Variants in TSC2 observed in about 807,000 individuals in gnomAD.
TSC2 encodes tuberin.
In TSC2, 29 loss-of-function variants were observed where a neutral mutation model predicts 202.2. The ratio of observed to expected loss-of-function variants is 0.14; its 90% CI spans 0.11 to 0.20. The LOEUF is 0.20. TSC2 is among the 10% of genes least tolerant of loss of function. TSC2 has a pLI of 1.00. For missense variants in TSC2, 2,429 were observed against 2,420.0 expected (o/e 1.00, Z -0.08); for synonymous variants, 1,349 against 1,044.0 (o/e 1.29, Z -5.63).
At chr16:2,080,032 C>T in intron 29 of TSC2, 133 bp from the exon 30 acceptor site, 1 of 1,274,662 alleles carries the variant, frequency 7.8e-7, no homozygotes. Flanking sequence ...GGCCGTGCCC[C>T]AAGGGCAGAG....
intron 31 of TSC2, 123 bp from the exon 32 acceptor site, chr16:2,082,313 G>T: frequency 8.9e-7 from 1 of 1,126,406 alleles, no homozygotes. Flanking sequence ...GGCCCCGTGC[G>T]CGCCCCTGCC....
At position 2,074,208 on chromosome 16, in the gene TSC2, G is replaced by A. The variant is rs773786955; in HGVS notation, c.2364G>A (p.Met788Ile). 17 of 1,611,442 alleles carry A rather than the reference G, an allele frequency of 1.1e-5. No individual in the cohort carries two copies. The highest frequency in any genetic ancestry group is 1.4e-5 in the Non-Finnish European group (17 of 1,179,946). The change falls in exon 22 of 42, where the codon ATG (methionine) becomes ATA (isoleucine). Residue 788 changes from methionine (M) to isoleucine (I), a missense_variant. Met to Ile is a conservative substitution (Grantham distance 10, BLOSUM62 1). Coordinates refer to ENST00000219476, the MANE Select transcript of TSC2 (RefSeq NM_000548.5). ...TGTCCTGTCTCCTGCAGCGCGAGAT[G>A]GTCTACTGCCTGGAGCAGGGCCTCA... Reference protein sequence around the residue: ...NYLDKTKQREMVYCLEQGLIH... With the variant: ...NYLDKTKQREIVYCLEQGLIH...
chr16:2,069,517 T>G (rs1351410235), intron 16 of TSC2, among the ~76,000 whole-genome samples: 3 of 150,200 alleles, frequency 2.0e-5, no homozygotes, highest in African/African-American at 7.4e-5. Context: ...TCTTGCTCTG[T>G]CGCCCAGGCT....
intron 9 of TSC2, 118 bp from the exon 10 acceptor site, chr16:2,058,629 C>T: frequency 6.9e-7 from 1 of 1,459,350 alleles, no homozygotes; most frequent in Non-Finnish European, 9.3e-7. Context: ...TGCTCCTGCC[C>T]CCCCCAAGCA....
At position 2,088,865 on chromosome 16, in the gene TSC2, TCGCGCGTG is replaced by T. The variant is rs1479765725; in HGVS notation, c.*262_*269del. ...AGGCTGCCTGGGCCATACAGCACAC[TCGCGCGTG>T]CGCGCGCGCACACACACACACACAC... On this transcript the variant is annotated 3_prime_UTR_variant, in exon 42 of 42. Transcript: ENST00000219476. The T allele has an allele frequency of 1.1e-5, 6 of 526,584 alleles. No homozygotes were observed. Among genetic ancestry groups the T allele is most frequent in the Admixed American group, 6.8e-5 (2 of 29,590 alleles). 32.6% of individuals were successfully genotyped at this position (526,584 alleles called of 1,614,324 possible). A position where few individuals can be genotyped will look rare whatever the true frequency, so the allele number is the denominator to read the frequency against.
chr16:2,048,443 G>A, intron 1 of TSC2, 144 bp from the exon 2 acceptor site: 1 of 1,080,926 alleles, frequency 9.3e-7, no homozygotes, highest in Non-Finnish European at 1.4e-6. Context: ...TGGTCAGCTG[G>A]GCTGTAGTTG....
intron 23 of TSC2, 67 bp downstream of exon 23, chr16:2,075,959 C>T (rs563260402): frequency 6.8e-6 from 11 of 1,612,086 alleles, no homozygotes; most frequent in Non-Finnish European, 9.3e-6. Context: ...GGCAGAAAGC[C>T]CCGGCAGCCT....
chr16:2,055,815 C>G, intron 6 of TSC2: 1 of 449,686 alleles, frequency 2.2e-6, no homozygotes, highest in Non-Finnish European at 4.1e-6. Flanking sequence ...TGCTTGAAAC[C>G]GGAAGGCAGA....
At chr16:2,075,353 C>T (rs1459449957) in intron 22 of TSC2, 2 of 194,886 alleles carry the variant, frequency 1.0e-5, no homozygotes, top group Non-Finnish European at 2.1e-5. Flanking sequence ...GGTGAAACCC[C>T]GTCTCTAATA....
At chr16:2,066,717 G>C (rs908245022) in intron 16 of TSC2, among the ~76,000 whole-genome samples, 6 of 141,690 alleles carry the variant, frequency 4.2e-5, no homozygotes, top group Non-Finnish European at 9.1e-5. Flanking sequence ...GTGGAGTGCA[G>C]TGGCGCGATC....
intron 19 of TSC2, 22 bp from the exon 20 acceptor site, chr16:2,072,219 C>G: frequency 6.2e-7 from 1 of 1,613,782 alleles, no homozygotes; most frequent in Admixed American, 1.7e-5. Context: ...AGGCCCTGTC[C>G]TGACGCCTCC....
At chr16:2,062,461 G>A (rs1467237890) in intron 12 of TSC2, 36 bp from the exon 13 acceptor site, 1 of 1,571,172 alleles carries the variant, frequency 6.4e-7, no homozygotes, top group Non-Finnish European at 8.7e-7. Flanking sequence ...GAGCGCCGGA[G>A]GGGCAGAGGG....
chr16:2,070,642 G>C (rs888232744), intron 17 of TSC2, 64 bp downstream of exon 17: 91 of 1,609,572 alleles, frequency 5.7e-5, no homozygotes, highest in Non-Finnish European at 6.9e-5. Flanking sequence ...CGTCTCGGCA[G>C]GTGTGGTTCC....
At chr16:2,069,216 C>G (rs1022810124) in intron 16 of TSC2, among the ~76,000 whole-genome samples, 2 of 152,204 alleles carry the variant, frequency 1.3e-5, no homozygotes, top group African/African-American at 4.8e-5. Flanking sequence ...TGGGGGGTGC[C>G]AGGCACTGTG....
chr16:2,072,454 T>C, intron 20 of TSC2, 91 bp downstream of exon 20: 1 of 1,558,874 alleles, frequency 6.4e-7, no homozygotes, highest in Non-Finnish European at 8.7e-7. Flanking sequence ...AGTGAGACCC[T>C]TCGGGCTCGG....
At chr16:2,069,024 C>T (rs563971665) in intron 16 of TSC2, among the ~76,000 whole-genome samples, 3 of 152,052 alleles carry the variant, frequency 2.0e-5, no homozygotes, top group African/African-American at 2.4e-5. Context: ...CTTGCTCTCT[C>T]GGGTGGGAGA....
intron 1 of TSC2, chr16:2,048,330 C>T: frequency 1.1e-6 from 1 of 932,460 alleles, no homozygotes; most frequent in Non-Finnish European, 1.7e-6. Context: ...GCAGTCCTAA[C>T]CCGTGCACTG....
At chr16:2,064,784 G>T in intron 15 of TSC2, 1 of 386,032 alleles carries the variant, frequency 2.6e-6, no homozygotes, top group East Asian at 5.7e-5. Context: ...TTTCTGCACA[G>T]TCACTCGGGT....
At position 2,088,858 on chromosome 16, in the gene TSC2, AGCACACTC is replaced by A. The variant is rs2091263902; in HGVS notation, c.*251_*258del. The A allele has an allele frequency of 5.3e-6, 3 of 561,070 alleles. No homozygotes were observed. The highest frequency in any genetic ancestry group is 9.5e-6 in the Non-Finnish European group (3 of 316,482). The allele number at this position is 561,070 out of a possible 1,614,324, so 34.8% of individuals were successfully genotyped here. Reference sequence around the variant, plus strand: ...GGCCTTGAGGCTGCCTGGGCCATACAGCACACTCGCGCGTGCGCGCGCGCACACACACA... The same window carrying A: ...GGCCTTGAGGCTGCCTGGGCCATACAGCGCGTGCGCGCGCGCACACACACA... On this transcript the variant is annotated 3_prime_UTR_variant, in exon 42 of 42. Transcript: ENST00000219476.
Sources: allele counts gnomAD v4.1 joint callset (sites outside exome capture counted in the v4.1 genomes callset), GRCh38; gene constraint gnomAD v4.1.1; transcripts MANE v1.5; gene names NCBI Gene and HGNC (gene_info 2026-07-23, HGNC 2026-07-21).